The following COPG2 variants were observed in gnomAD, a reference collection of about 807,000 sequenced individuals.
COPG2 encodes coat protein complex I subunit gamma 2.
In COPG2, 37 loss-of-function variants were observed where a neutral mutation model predicts 46.3. The observed-to-expected ratio is 0.80, with a 90% CI of 0.61 to 1.05. The LOEUF (loss-of-function observed/expected upper bound fraction) is 1.05, where lower values mean the gene tolerates loss of function less well. Ranked by LOEUF, COPG2 falls within the 50% of genes least tolerant of loss-of-function variation. The probability of loss-of-function intolerance (pLI) is 0.00; values close to 1 mark genes in which losing one functional copy is unlikely to be tolerated. For synonymous variants in COPG2, 159 were observed against 129.7 expected (o/e 1.23, Z -1.53); for missense variants, 427 against 387.8 (o/e 1.10, Z -0.85).
intron 20 of COPG2, among the ~76,000 whole-genome samples, chr7:130,542,300 T>C (rs1299290428): frequency 1.3e-5 from 2 of 149,716 alleles, no homozygotes; most frequent in Admixed American, 6.6e-5. Flanking sequence ...AGAAACAGGG[T>C]GTAGAGGTGT....
At chr7:130,666,552 G>A (rs1039802910) in intron 3 of COPG2, among the ~76,000 whole-genome samples, 2 of 152,098 alleles carry the variant, frequency 1.3e-5, no homozygotes, top group Non-Finnish European at 2.9e-5. Context: ...CTGGATTTCA[G>A]ATACTCAGAT....
At position 130,507,259 on chromosome 7, in the gene COPG2, A is replaced by ATGGAAGCTTC; in HGVS notation, c.2485+5_2485+14dup. ...TGCAAGAAAATGGAAGGAAAATCTG[A>ATGGAAGCTTC]TGGAAGCTTCTTACCTGCCAGATAG... On this transcript the variant is annotated intron_variant, in intron 23 of 23. Transcript: ENST00000425248. 1 of 780,598 alleles carries ATGGAAGCTTC rather than the reference A, an allele frequency of 1.3e-6. No homozygotes were observed. Among genetic ancestry groups the ATGGAAGCTTC allele is most frequent in the Non-Finnish European group, 2.4e-6 (1 of 417,758 alleles). The allele number at this position is 780,598 out of a possible 1,614,324, so 48.4% of individuals were successfully genotyped here.
At chr7:130,578,042 G>A (rs562407990) in intron 9 of COPG2, among the ~76,000 whole-genome samples, 22 of 152,364 alleles carry the variant, frequency 1.4e-4, no homozygotes, top group African/African-American at 3.4e-4. Flanking sequence ...ACCTCTGGGG[G>A]CAGAGCACAG....
chr7:130,535,207 G>A (rs900437102), intron 20 of COPG2, among the ~76,000 whole-genome samples: 2 of 152,162 alleles, frequency 1.3e-5, no homozygotes, highest in Non-Finnish European at 2.9e-5. Context: ...AGACAGGCAG[G>A]TACCTTCCCT....
chr7:130,608,578 T>A (rs1349132796), intron 9 of COPG2, among the ~76,000 whole-genome samples: 4 of 152,172 alleles, frequency 2.6e-5, no homozygotes, highest in African/African-American at 9.7e-5. Context: ...ACTTTTAGAG[T>A]ATAGAACTCC....
At chr7:130,610,137 T>C in intron 9 of COPG2, 1 of 517,878 alleles carries the variant, frequency 1.9e-6, no homozygotes, top group East Asian at 5.5e-5. Flanking sequence ...GATTGTTTGC[T>C]AGACACTGCT....
chr7:130,540,750 G>T (rs2116370383), intron 20 of COPG2, among the ~76,000 whole-genome samples: 1 of 152,186 alleles, frequency 6.6e-6, no homozygotes, highest in South Asian at 2.1e-4. Context: ...AAATGAGGGA[G>T]TAATGTCAGG....
intron 1 of COPG2, 144 bp downstream of exon 1, chr7:130,668,488 G>T: frequency 3.5e-6 from 2 of 564,674 alleles, no homozygotes; most frequent in Non-Finnish European, 5.4e-6. Context: ...AGCCGCGAGG[G>T]GAGGGGAGGG....
At chr7:130,553,941 A>T (rs1481475699) in intron 14 of COPG2, among the ~76,000 whole-genome samples, 3 of 152,222 alleles carry the variant, frequency 2.0e-5, no homozygotes. Context: ...AGTAATTTTC[A>T]ATAAAATTAC....
chr7:130,539,695 G>C (rs1163654648), intron 20 of COPG2, among the ~76,000 whole-genome samples: 4 of 152,182 alleles, frequency 2.6e-5, no homozygotes, highest in Non-Finnish European at 5.9e-5. Context: ...GGGACGATGA[G>C]GCAGCGCCAA....
chr7:130,560,903 A>G (rs974723809), intron 12 of COPG2, 130 bp downstream of exon 12: 8 of 396,148 alleles, frequency 2.0e-5, no homozygotes, highest in Non-Finnish European at 2.7e-5. Flanking sequence ...AGTAATAACT[A>G]TGAAAGAAAA....
intron 20 of COPG2, among the ~76,000 whole-genome samples, chr7:130,527,665 G>A (rs960024061): frequency 6.5e-4 from 99 of 152,246 alleles, no homozygotes; most frequent in African/African-American, 2.4e-3. Context: ...TGCATCCTCG[G>A]GTGAGAATCA....
chr7:130,515,839 G>C (rs1156834262), intron 20 of COPG2, among the ~76,000 whole-genome samples: 1 of 151,926 alleles, frequency 6.6e-6, no homozygotes, highest in Non-Finnish European at 1.5e-5. Context: ...GAGGAATACT[G>C]GGACAGGGAG....
intron 20 of COPG2, among the ~76,000 whole-genome samples, chr7:130,534,527 C>T (rs1046058760): frequency 8.3e-4 from 126 of 152,204 alleles, no homozygotes; most frequent in Non-Finnish European, 1.4e-3. Flanking sequence ...AGGCTTCATA[C>T]CTAGTGGAGC....
chr7:130,506,504 C>T lies in COPG2; in HGVS notation c.*172G>A. Reference sequence around the variant, plus strand: ...TAAAAAGAAAAAAAAAAAAAAACAACCCATGCGCAAAGATAGACATTTGCT... The same window carrying T: ...TAAAAAGAAAAAAAAAAAAAAACAATCCATGCGCAAAGATAGACATTTGCT... On this transcript the variant is annotated 3_prime_UTR_variant, in exon 24 of 24. Coordinates refer to ENST00000425248, the MANE Select transcript of COPG2 (RefSeq NM_012133.6). The T allele has an allele frequency of 2.3e-6, 1 of 426,102 alleles. No homozygotes were observed. The highest frequency in any genetic ancestry group is 4.2e-6 in the Non-Finnish European group (1 of 239,508). 26.4% of individuals were successfully genotyped at this position (426,102 alleles called of 1,614,324 possible). A position where few individuals can be genotyped will look rare whatever the true frequency, so the allele number is the denominator to read the frequency against.
intron 5 of COPG2, among the ~76,000 whole-genome samples, chr7:130,631,642 G>C (rs1042530714): frequency 6.6e-6 from 1 of 152,142 alleles, no homozygotes; most frequent in Admixed American, 6.6e-5. Context: ...TTCATAAAGA[G>C]GATACAAACT....
chr7:130,628,254 C>G, intron 5 of COPG2, among the ~76,000 whole-genome samples: 1 of 152,106 alleles, frequency 6.6e-6, no homozygotes, highest in East Asian at 1.9e-4. Context: ...ACCCCCGCCC[C>G]CTTTCTGCCT....
intron 23 of COPG2, 30 bp from the exon 24 acceptor site, chr7:130,506,836 TAAG>T (rs781860655): frequency 5.2e-6 from 4 of 762,856 alleles, no homozygotes; most frequent in South Asian, 4.2e-5. Flanking sequence ...AAAACCATAT[TAAG>T]AACCCAAAAC....
chr7:130,608,232 T>G (rs1478346333), intron 9 of COPG2: 3 of 466,224 alleles, frequency 6.4e-6, no homozygotes, highest in African/African-American at 5.9e-5. Flanking sequence ...ACTTTACAAA[T>G]GTCCATTTTT....
Sources: gnomAD v4.1 joint callset for allele counts (sites outside exome capture counted in the v4.1 genomes callset) on GRCh38, gnomAD v4.1.1 for gene constraint, MANE v1.5 for transcripts, NCBI Gene and HGNC (gene_info 2026-07-23, HGNC 2026-07-21) for gene names.